The following JAM3 variants were observed in gnomAD, a reference collection of about 807,000 sequenced individuals.
JAM3 encodes the protein junctional adhesion molecule C.
A neutral mutation model predicts 39.4 loss-of-function variants in JAM3; 31 were observed. The ratio of observed to expected loss-of-function variants is 0.79; its 90% CI spans 0.59 to 1.06. JAM3 has a LOEUF of 1.06. Ranked by LOEUF, JAM3 falls within the 50% of genes least tolerant of loss-of-function variation. JAM3 has a pLI of 0.00. For missense variants in JAM3, 455 were observed against 391.4 expected (o/e 1.16, Z -1.37); for synonymous variants, 182 against 148.7 (o/e 1.22, Z -1.63).
intron 1 of JAM3, among the ~76,000 whole-genome samples, chr11:134,112,154 T>A (rs563977120): frequency 6.6e-5 from 10 of 152,316 alleles, no homozygotes; most frequent in African/African-American, 2.4e-4. Context: ...TTGCATGGCC[T>A]TGGCTCACTG....
intron 1 of JAM3, among the ~76,000 whole-genome samples, chr11:134,091,598 C>G (rs563749131): frequency 1.3e-5 from 2 of 149,468 alleles, no homozygotes; most frequent in East Asian, 4.0e-4. Flanking sequence ...TCACTGCACT[C>G]CAGCTTGGGT....
intron 1 of JAM3, among the ~76,000 whole-genome samples, chr11:134,119,957 T>C (rs1165442253): frequency 6.6e-6 from 1 of 152,168 alleles, no homozygotes. Flanking sequence ...TCAGAACCCA[T>C]ATTTGATCGA....
chr11:134,130,215 G>T (rs1036686868), intron 1 of JAM3, among the ~76,000 whole-genome samples: 1 of 152,172 alleles, frequency 6.6e-6, no homozygotes. Flanking sequence ...CCAGTTTACC[G>T]ACTTACAGTG....
intron 1 of JAM3, among the ~76,000 whole-genome samples, chr11:134,106,563 G>A (rs1205561836): frequency 1.3e-5 from 2 of 152,148 alleles, no homozygotes; most frequent in Non-Finnish European, 2.9e-5. Flanking sequence ...GCAACCTACA[G>A]AATGGGAGAA....
chr11:134,123,959 G>C (rs375662452), intron 1 of JAM3: 6 of 1,501,520 alleles, frequency 4.0e-6, no homozygotes, highest in African/African-American at 2.8e-5. Flanking sequence ...CTGCATCTTC[G>C]TACTTCATTC....
chr11:134,106,625 A>T (rs1035725926), intron 1 of JAM3, among the ~76,000 whole-genome samples: 4 of 152,174 alleles, frequency 2.6e-5, no homozygotes, highest in East Asian at 1.9e-4. Flanking sequence ...GAATCTACAA[A>T]GAACTCAAAT....
intron 1 of JAM3, among the ~76,000 whole-genome samples, chr11:134,086,307 G>C (rs1441394484): frequency 6.6e-6 from 1 of 152,002 alleles, no homozygotes; most frequent in Non-Finnish European, 1.5e-5. Flanking sequence ...TCTTAAAAAA[G>C]CTCCCTTTAT....
chr11:134,121,323 C>T (rs1257949586), intron 1 of JAM3, among the ~76,000 whole-genome samples: 2 of 152,144 alleles, frequency 1.3e-5, no homozygotes, highest in African/African-American at 4.8e-5. Flanking sequence ...TAAAATTGTT[C>T]CAAATTAGGA....
chr11:134,138,050 A>C (rs1424035821), intron 1 of JAM3, among the ~76,000 whole-genome samples: 2 of 102,076 alleles, frequency 2.0e-5, no homozygotes, highest in African/African-American at 4.5e-5. Flanking sequence ...CGTGGTGCTC[A>C]TACTGAGAGA....
At chr11:134,131,898 G>A (rs1158889606) in intron 1 of JAM3, among the ~76,000 whole-genome samples, 1 of 152,030 alleles carries the variant, frequency 6.6e-6, no homozygotes, top group African/African-American at 2.4e-5. Flanking sequence ...AGTTTGAGGA[G>A]CAAAAAGAAA....
chr11:134,105,717 C>CAGAG (rs200676460), intron 1 of JAM3, among the ~76,000 whole-genome samples: 59,686 of 151,138 alleles, frequency 0.39, 12,729 homozygotes, highest in African/African-American at 0.58. Context: ...AATAGACAAA[C>CAGAG]AGCCAAATCA....
At chr11:134,089,622 C>T (rs997600772) in intron 1 of JAM3, among the ~76,000 whole-genome samples, 1 of 152,098 alleles carries the variant, frequency 6.6e-6, no homozygotes, top group Non-Finnish European at 1.5e-5. Flanking sequence ...TCCATGTCCC[C>T]ACAAAGGACA....
chr11:134,132,394 T>C (rs552260407), intron 1 of JAM3, among the ~76,000 whole-genome samples: 2 of 152,278 alleles, frequency 1.3e-5, no homozygotes, highest in South Asian at 4.1e-4. Flanking sequence ...AGGGAGTTAA[T>C]TACCACCAGA....
At chr11:134,123,721 T>C (rs1942583125) in intron 1 of JAM3, 1 of 561,012 alleles carries the variant, frequency 1.8e-6, no homozygotes, top group African/African-American at 1.9e-5. Flanking sequence ...AGTGAATCCA[T>C]CACTACTTTG....
intron 1 of JAM3, among the ~76,000 whole-genome samples, chr11:134,132,212 A>C (rs963240719): frequency 1.3e-5 from 2 of 152,232 alleles, no homozygotes; most frequent in African/African-American, 4.8e-5. Context: ...ATTAATCTTC[A>C]AGAAGACTAT....
At chr11:134,125,033 G>T (rs924781274) in intron 1 of JAM3, among the ~76,000 whole-genome samples, 1 of 152,180 alleles carries the variant, frequency 6.6e-6, no homozygotes, top group Non-Finnish European at 1.5e-5. Context: ...CGGTGGCGGC[G>T]GCGCGTCTCC....
intron 1 of JAM3, among the ~76,000 whole-genome samples, chr11:134,071,642 G>C (rs1591764941): frequency 6.6e-6 from 1 of 152,244 alleles, no homozygotes; most frequent in East Asian, 1.9e-4. Context: ...CTTCAGATAA[G>C]ACAACTTGTG....
chr11:134,119,790 A>T (rs1399808627), intron 1 of JAM3, among the ~76,000 whole-genome samples: 3 of 152,236 alleles, frequency 2.0e-5, no homozygotes, highest in Non-Finnish European at 4.4e-5. Flanking sequence ...CCAAGTTGAC[A>T]CATAAAATTA....
At chr11:134,094,849 C>T (rs1370126455) in intron 1 of JAM3, among the ~76,000 whole-genome samples, 3 of 152,232 alleles carry the variant, frequency 2.0e-5, no homozygotes, top group African/African-American at 7.2e-5. Context: ...GAATTGTTCA[C>T]TGCATTTCTT....
Sources: allele counts gnomAD v4.1 joint callset (sites outside exome capture counted in the v4.1 genomes callset), GRCh38; gene constraint gnomAD v4.1.1; transcripts MANE v1.5; gene names NCBI Gene and HGNC (gene_info 2026-07-23, HGNC 2026-07-21).